The following HOATZ variants were observed in gnomAD, a reference collection of about 807,000 sequenced individuals.
The protein encoded by HOATZ is cilia- and flagella-associated protein HOATZ.
A neutral mutation model predicts 24.9 loss-of-function variants in HOATZ; 26 were observed. The ratio of observed to expected loss-of-function variants is 1.04; its 90% CI spans 0.76 to 1.45. The LOEUF is 1.45. Ranked by LOEUF, HOATZ falls within the 40% of genes most tolerant of loss-of-function variation. HOATZ has a pLI of 0.00. For missense variants in HOATZ, 226 were observed against 201.5 expected, an observed-to-expected ratio of 1.12 and a Z score of -0.74; for synonymous variants, 83 against 76.6, an observed-to-expected ratio of 1.08 and a Z score of -0.43.
Position 111,516,085 on chromosome 11 carries a change from A to G in HOATZ, c.314A>G (p.Glu105Gly), listed in dbSNP as rs763649488. The G allele has an allele frequency of 1.1e-5, 18 of 1,599,166 alleles. No individual in the cohort carries two copies. Among genetic ancestry groups the G allele is most frequent in the Admixed American group, 3.4e-5 (2 of 59,014 alleles). Residue 105 changes from glutamate to glycine, a missense_variant, in exon 3 of 6, where the codon GAG becomes GGG. Coordinates refer to ENST00000375618, the MANE Select transcript of HOATZ (RefSeq NM_001100388.2). ...GAAGCCCTAAAGATACAGGAATCTG[A>G]GGAGAAAGTAAAGTATCTCCAAAAG... ...FAEALKIQES[E>G]EKVKYLQKAK...
intron 3 of HOATZ, among the ~76,000 whole-genome samples, chr11:111,533,298 C>A (rs182719184): frequency 4.9e-4 from 74 of 152,306 alleles, no homozygotes; most frequent in African/African-American, 1.7e-3. Flanking sequence ...TTTAACCTTA[C>A]TAAGCTTCAG....
chr11:111,527,326 T>C (rs1023555035), intron 3 of HOATZ, among the ~76,000 whole-genome samples: 1 of 152,228 alleles, frequency 6.6e-6, no homozygotes, highest in African/African-American at 2.4e-5. Flanking sequence ...TTGTATTGAC[T>C]CCCTCTTATA....
intron 3 of HOATZ, among the ~76,000 whole-genome samples, chr11:111,523,123 G>A (rs1414550058): frequency 6.6e-6 from 1 of 150,856 alleles, no homozygotes; most frequent in Non-Finnish European, 1.5e-5. Context: ...AGCTGAGATT[G>A]AACAAGATGA....
intron 3 of HOATZ, chr11:111,524,879 T>A (rs1262403630): frequency 2.2e-6 from 1 of 447,106 alleles, no homozygotes; most frequent in African/African-American, 2.0e-5. Flanking sequence ...TTCTTTTTTT[T>A]TAGACAAGGT....
chr11:111,534,389 A>G (rs1375945499), intron 4 of HOATZ, 23 bp from the exon 5 acceptor site: 1 of 1,585,978 alleles, frequency 6.3e-7, no homozygotes, highest in South Asian at 1.1e-5. Context: ...TACCTTTTTG[A>G]TTTTTATTTT....
chr11:111,523,121 T>C (rs1473114712), intron 3 of HOATZ, among the ~76,000 whole-genome samples: 1 of 152,052 alleles, frequency 6.6e-6, no homozygotes, highest in Non-Finnish European at 1.5e-5. Flanking sequence ...ACAGCTGAGA[T>C]TGAACAAGAT....
chr11:111,536,690 C>T, intron 5 of HOATZ, 80 bp from the exon 6 acceptor site: 1 of 1,181,778 alleles, frequency 8.5e-7, no homozygotes, highest in East Asian at 2.3e-5. Flanking sequence ...GGAGAATTTT[C>T]AAAAGTTGTT....
At chr11:111,536,571 T>G (rs1867452564) in intron 5 of HOATZ, 199 bp from the exon 6 acceptor site, 1 of 478,814 alleles carries the variant, frequency 2.1e-6, no homozygotes, top group Non-Finnish European at 3.7e-6. Flanking sequence ...GGAGGGCTCC[T>G]GTACCTCCAA....
At chr11:111,515,076 A>G in intron 1 of HOATZ, 66 bp downstream of exon 1, 1 of 1,127,182 alleles carries the variant, frequency 8.9e-7, no homozygotes, top group Non-Finnish European at 1.3e-6. Flanking sequence ...CAGGTACCAG[A>G]GCCCTTTCCA....
chr11:111,523,545 GACAA>G (rs1445968663), intron 3 of HOATZ, among the ~76,000 whole-genome samples: 1 of 152,088 alleles, frequency 6.6e-6, no homozygotes, highest in Non-Finnish European at 1.5e-5. Flanking sequence ...ACATAACTAT[GACAA>G]ACAATGAGAA....
rs778238649 is a variant in HOATZ, at chr11:111,514,879, A to T, written c.95A>T (p.Gln32Leu). 10 of 1,614,068 alleles carry T rather than the reference A, an allele frequency of 6.2e-6. No homozygotes were observed. The East Asian group carries it at 2.2e-4, about 36-fold the overall frequency. Residue 32 changes from glutamine to leucine, a missense_variant, in exon 1 of 6, where the codon CAA becomes CTA. Physicochemically the swap from Gln to Leu is moderately radical, Grantham distance 113. Coordinates refer to ENST00000375618, the MANE Select transcript of HOATZ (RefSeq NM_001100388.2). ...CTGGTATTTGCTGGCTCCTCGGAAC[A>T]AGATGCCAACTTGGCTAAGCAGTTC... ...GLLVFAGSSEQDANLAKQFWI... is the reference protein window; with the variant it reads ...GLLVFAGSSELDANLAKQFWI...
intron 3 of HOATZ, among the ~76,000 whole-genome samples, chr11:111,522,006 A>C (rs1407048216): frequency 6.6e-6 from 1 of 152,220 alleles, no homozygotes; most frequent in African/African-American, 2.4e-5. Flanking sequence ...AGAGTAGGAA[A>C]AAAAAAATGC....
intron 3 of HOATZ, among the ~76,000 whole-genome samples, chr11:111,519,694 A>G (rs916496994): frequency 1.3e-5 from 2 of 152,222 alleles, no homozygotes; most frequent in African/African-American, 4.8e-5. Flanking sequence ...AAGCATTTAC[A>G]ATGATCTATT....
rs1469926706 is a variant in HOATZ, at chr11:111,536,882, C to A, written c.*55C>A. 5.1e-6 allele frequency: 7 copies of A among 1,365,116 alleles called. No individual in the cohort carries two copies. Among genetic ancestry groups the A allele is most frequent in the African/African-American group, 4.3e-5 (3 of 69,966 alleles). 84.6% of individuals were successfully genotyped at this position (1,365,116 alleles called of 1,614,324 possible). On this transcript the variant is annotated 3_prime_UTR_variant, in exon 6 of 6. Transcript: ENST00000375618. ...ACTTATACCTTCACTTTGGAAACAA[C>A]CTTCTCTTAGATCAGGATCATTGAG...
At chr11:111,528,680 T>G (rs1867364389) in intron 3 of HOATZ, among the ~76,000 whole-genome samples, 1 of 152,230 alleles carries the variant, frequency 6.6e-6, no homozygotes, top group African/African-American at 2.4e-5. Flanking sequence ...TGTATTCTGA[T>G]AAGCATGCGT....
At chr11:111,519,973 T>G (rs1282272062) in intron 3 of HOATZ, among the ~76,000 whole-genome samples, 3 of 152,216 alleles carry the variant, frequency 2.0e-5, no homozygotes, top group African/African-American at 7.2e-5. Flanking sequence ...CAGGTATACA[T>G]TATAACAAAT....
chr11:111,519,048 A>G (rs1161744185), intron 3 of HOATZ: 1 of 456,152 alleles, frequency 2.2e-6, no homozygotes, highest in Non-Finnish European at 4.4e-6. Context: ...GGAGACAACA[A>G]GATGGGTTTG....
Position 111,515,025 on chromosome 11 carries a change from G to A in HOATZ, c.226+15G>A, listed in dbSNP as rs1360119787. On this transcript the variant is annotated intron_variant, in intron 1 of 5. Transcript: ENST00000375618. ...CAGAGGGTCTGGTGAGTAGAATAGC[G>A]GCCTCCTGTCAGTCATATCTGCCTC... The A allele has an allele frequency of 1.9e-5, 30 of 1,595,982 alleles. No individual in the cohort carries two copies. Among genetic ancestry groups the A allele is most frequent in the Non-Finnish European group, 2.5e-5 (29 of 1,166,386 alleles).
intron 3 of HOATZ, among the ~76,000 whole-genome samples, chr11:111,517,074 C>G (rs1867214165): frequency 6.6e-6 from 1 of 152,210 alleles, no homozygotes; most frequent in African/African-American, 2.4e-5. Flanking sequence ...TTGGCAAACT[C>G]TGACAGACTT....
Sources: gnomAD v4.1 joint callset for allele counts (sites outside exome capture counted in the v4.1 genomes callset) on GRCh38, gnomAD v4.1.1 for gene constraint, MANE v1.5 for transcripts, NCBI Gene and HGNC (gene_info 2026-07-23, HGNC 2026-07-21) for gene names.